Variants in CPNE8 observed in about 807,000 individuals in gnomAD.
The protein encoded by CPNE8 is copine-8.
In CPNE8, 45 loss-of-function variants were observed where a neutral mutation model predicts 81.5. The observed-to-expected ratio is 0.55, with a 90% confidence interval of 0.44 to 0.71. The LOEUF (loss-of-function observed/expected upper bound fraction) is 0.71, where lower values mean the gene tolerates loss of function less well. Among genes scored for constraint, CPNE8 ranks in the 30% least tolerant of loss-of-function variants. The pLI is 0.00. For missense variants in CPNE8, 594 were observed against 672.1 expected (o/e 0.88, Z 1.28); for synonymous variants, 252 against 226.3 (o/e 1.11, Z -1.02).
intron 10 of CPNE8, among the ~76,000 whole-genome samples, chr12:38,757,711 TA>T (rs1941488943): frequency 6.6e-6 from 1 of 152,084 alleles, no homozygotes; most frequent in Non-Finnish European, 1.5e-5. Flanking sequence ...AATATAGATC[TA>T]TTTTTGGAAT....
intron 6 of CPNE8, among the ~76,000 whole-genome samples, chr12:38,796,089 G>T (rs543171309): frequency 6.6e-6 from 1 of 152,048 alleles, no homozygotes; most frequent in Non-Finnish European, 1.5e-5. Context: ...GGTGAAGGCC[G>T]TCTCTACCAC....
chr12:38,906,172 C>G (rs1944569411), upstream of CPNE8: 6 of 985,736 alleles, frequency 6.1e-6, no homozygotes, highest in Non-Finnish European at 7.2e-6. Context: ...GAGATCCCTC[C>G]GTCCCTCCTA....
chr12:38,756,167 G>A (rs559524664), intron 10 of CPNE8, among the ~76,000 whole-genome samples: 1 of 151,528 alleles, frequency 6.6e-6, no homozygotes, highest in Admixed American at 6.6e-5. Flanking sequence ...TCATAGATTT[G>A]TGAGGTGCTT....
chr12:38,679,506 T>C (rs1939365937), intron 16 of CPNE8: 1 of 692,334 alleles, frequency 1.4e-6, no homozygotes, highest in African/African-American at 1.9e-5. Context: ...CCATTAAAGC[T>C]GTAGAAAGTT....
intron 10 of CPNE8, among the ~76,000 whole-genome samples, chr12:38,747,445 C>T (rs547389247): frequency 1.6e-4 from 25 of 152,114 alleles, no homozygotes; most frequent in Admixed American, 1.1e-3. Flanking sequence ...TGGTTAAAAC[C>T]TTCTTTTCTA....
intron 1 of CPNE8, among the ~76,000 whole-genome samples, chr12:38,902,912 A>G (rs1392517943): frequency 6.6e-6 from 1 of 152,136 alleles, no homozygotes; most frequent in African/African-American, 2.4e-5. Flanking sequence ...TAAGGTAAAT[A>G]CCATAACTAT....
At chr12:38,747,048 T>C (rs1941241642) in intron 10 of CPNE8, among the ~76,000 whole-genome samples, 1 of 152,236 alleles carries the variant, frequency 6.6e-6, no homozygotes. Flanking sequence ...TATTGCCATA[T>C]AGAATTACTC....
Position 38,685,597 on chromosome 12 carries a change from G to A in CPNE8, c.1164C>T (p.Pro388=), listed in dbSNP as rs766578041. 6.2e-7 allele frequency: 1 copy of A among 1,613,000 alleles called. No individual in the cohort carries two copies. The change falls in exon 16 of 20, where the codon CCC becomes CCT. Residue 388 remains proline, a synonymous_variant. Coordinates refer to ENST00000331366, the MANE Select transcript of CPNE8 (RefSeq NM_153634.3). ...EFALNGNPQN[P]YCDGIEGVME... ...TGACCCCCTCAATGCCATCACAGTA[G>A]GGGTTTTGAGGATTCCCATTCTGTA...
At chr12:38,694,335 G>A (rs1939746370) in intron 14 of CPNE8, among the ~76,000 whole-genome samples, 1 of 152,114 alleles carries the variant, frequency 6.6e-6, no homozygotes, top group East Asian at 1.9e-4. Context: ...ATTTTCAAGT[G>A]CAGGCTGATT....
At chr12:38,840,813 G>A (rs999577836) in intron 4 of CPNE8, among the ~76,000 whole-genome samples, 8 of 152,104 alleles carry the variant, frequency 5.3e-5, no homozygotes, top group Non-Finnish European at 7.4e-5. Context: ...TCTGCAATAC[G>A]ATCATTCATT....
intron 7 of CPNE8, among the ~76,000 whole-genome samples, chr12:38,772,127 C>A (rs1401871652): frequency 6.6e-6 from 1 of 152,154 alleles, no homozygotes; most frequent in Non-Finnish European, 1.5e-5. Flanking sequence ...GGGTGCCCCT[C>A]AGGTGTCCCT....
intron 15 of CPNE8, among the ~76,000 whole-genome samples, chr12:38,687,907 G>T (rs987867544): frequency 1.3e-5 from 2 of 152,154 alleles, no homozygotes; most frequent in Non-Finnish European, 1.5e-5. Context: ...GCTGAAAACA[G>T]AATGTAAAAG....
Position 38,725,069 on chromosome 12 carries a change from C to A in CPNE8, c.799-170G>T, listed in dbSNP as rs187177166. Among the ~76,000 whole-genome samples the A allele has an allele frequency of 2.2e-3, 328 of 152,216 alleles. 9 individuals are homozygous for A. Among genetic ancestry groups the A allele is most frequent in the Admixed American group, 0.021 (323 of 15,284 alleles). On this transcript the variant is annotated intron_variant, in intron 11 of 19. Transcript: ENST00000331366. ...CAGTCATTCAGTCAAAACTTCTCTG[C>A]AAAAGTTAATAGTGACTATCTTTTA...
At chr12:38,759,098 G>C (rs776364970) in intron 10 of CPNE8, among the ~76,000 whole-genome samples, 5 of 152,126 alleles carry the variant, frequency 3.3e-5, no homozygotes, top group African/African-American at 4.8e-5. Context: ...ATTAGGATTA[G>C]AGACAAGTTC....
chr12:38,708,746 C>A (rs1054995093), intron 13 of CPNE8, among the ~76,000 whole-genome samples: 8 of 152,102 alleles, frequency 5.3e-5, no homozygotes. Context: ...CAGCAAAGAT[C>A]CACAGGAAGC....
chr12:38,887,642 C>T (rs1371439902), intron 1 of CPNE8, among the ~76,000 whole-genome samples: 1 of 152,082 alleles, frequency 6.6e-6, no homozygotes, highest in East Asian at 1.9e-4. Flanking sequence ...GCTATTGAAA[C>T]TTTCAAAACA....
chr12:38,695,328 A>G (rs564834544), intron 14 of CPNE8, among the ~76,000 whole-genome samples: 1 of 152,300 alleles, frequency 6.6e-6, no homozygotes, highest in South Asian at 2.1e-4. Flanking sequence ...ATAGAAGCCT[A>G]ACTTCAATAA....
Position 38,902,362 on chromosome 12 carries a change from A to AAGAAAGAAAAGAAAG in CPNE8, c.98+3074_98+3075insCTTTCTTTTCTTTCT, listed in dbSNP as rs1565670122. Among the ~76,000 whole-genome samples, 343 of 95,248 alleles carry AAGAAAGAAAAGAAAG rather than the reference A, an allele frequency of 3.6e-3. 6 individuals are homozygous for AAGAAAGAAAAGAAAG. Among genetic ancestry groups the AAGAAAGAAAAGAAAG allele is most frequent in the East Asian group, 0.018 (58 of 3,302 alleles). 62.5% of individuals were successfully genotyped at this position (95,248 alleles called of 152,430 possible). Reference sequence around the variant, plus strand: ...AAAGAAAGAAAGAAAGAAAGAAAGAAAGAAAGAAAGAAAGAAAGAAAAGAA... The same window carrying AAGAAAGAAAAGAAAG: ...AAAGAAAGAAAGAAAGAAAGAAAGAAAGAAAGAAAAGAAAGAGAAAGAAAGAAAGAAAGAAAAGAA... On this transcript the variant is annotated intron_variant, in intron 1 of 19. Transcript: ENST00000331366.
intron 6 of CPNE8, among the ~76,000 whole-genome samples, chr12:38,808,728 A>G (rs1942873818): frequency 1.3e-5 from 2 of 151,846 alleles, no homozygotes; most frequent in African/African-American, 4.8e-5. Context: ...CATTGTGCAC[A>G]TGTACCCTAA....
Sources: allele counts gnomAD v4.1 joint callset (sites outside exome capture counted in the v4.1 genomes callset), GRCh38; gene constraint gnomAD v4.1.1; transcripts MANE v1.5; gene names NCBI Gene and HGNC (gene_info 2026-07-23, HGNC 2026-07-21).